DBNL: variants seen among roughly 807,000 people sequenced by gnomAD.
The protein encoded by DBNL is drebrin-like protein.
Under a neutral mutation model 62.2 loss-of-function variants are expected in DBNL, and 35 were observed. The observed-to-expected ratio is 0.56, with a 90% CI of 0.43 to 0.75. DBNL has a LOEUF of 0.75. DBNL is among the 30% of genes least tolerant of loss of function. The pLI, the probability that DBNL is intolerant of heterozygous loss-of-function variation, is 0.00. For synonymous variants in DBNL, 197 were observed against 218.0 expected (o/e 0.90, Z 0.85); for missense variants, 495 against 578.4 (o/e 0.86, Z 1.48).
At chr7:44,057,702 T>C in intron 5 of DBNL, 80 bp from the exon 6 acceptor site, 1 of 1,532,890 alleles carries the variant, frequency 6.5e-7, no homozygotes, top group Admixed American at 1.7e-5. Context: ...GTCGCAAGTT[T>C]AGCGTATTCT....
At chr7:44,050,096 C>A in intron 1 of DBNL, 129 bp from the exon 2 acceptor site, 1 of 1,013,510 alleles carries the variant, frequency 9.9e-7, no homozygotes, top group Non-Finnish European at 1.5e-6. Flanking sequence ...TGAGAACGGG[C>A]CTGTGCCCAC....
chr7:44,065,551 G>C lies in DBNL; in HGVS notation c.*4635G>C, dbSNP rs199776384. Reference sequence around the variant, plus strand: ...CCATGGTGGCAGCAGGGACCACAGAGGACTCTGGACGGGGACGGCTGCTTC... The same window carrying C: ...CCATGGTGGCAGCAGGGACCACAGACGACTCTGGACGGGGACGGCTGCTTC... On this transcript the variant is annotated 3_prime_UTR_variant, in exon 13 of 13. Coordinates refer to ENST00000448521, the MANE Select transcript of DBNL (RefSeq NM_001014436.3). 98 of 1,611,824 alleles carry C rather than the reference G, an allele frequency of 6.1e-5. No individual in the cohort carries two copies. In the East Asian group the frequency reaches 2.2e-3, roughly 36 times the overall value.
At chr7:44,044,979 G>A in intron 1 of DBNL, 159 bp downstream of exon 1, 1 of 637,374 alleles carries the variant, frequency 1.6e-6, no homozygotes. Context: ...CACCGCAGCA[G>A]GAGTGCTGTC....
At position 44,056,808 on chromosome 7, in the gene DBNL, T is replaced by G. The variant is rs1170043748; in HGVS notation, c.379T>G (p.Cys127Gly). 1 of 1,613,938 alleles carries G rather than the reference T, an allele frequency of 6.2e-7. No homozygotes were observed. Among genetic ancestry groups the G allele is most frequent in the East Asian group, 2.2e-5 (1 of 44,874 alleles). ...ARAEEDVEPE[C>G]IMEKVAKASG... ...GGCCGAGGAGGATGTGGAGCCTGAGTGCATCATGGAGAAGGTGGCCAAGGC... is the reference window on the plus strand; with the variant it reads ...GGCCGAGGAGGATGTGGAGCCTGAGGGCATCATGGAGAAGGTGGCCAAGGC... Residue 127 changes from cysteine (C) to glycine (G), a missense_variant, in exon 5 of 13, where the codon TGC becomes GGC. Cys to Gly is a radical substitution (Grantham distance 159). Coordinates refer to ENST00000448521, the MANE Select transcript of DBNL (RefSeq NM_001014436.3).
In DBNL at chr7:44,067,889, AGCCTGGAC is replaced by A. The variant is rs1043981049; in HGVS notation, c.*6974_*6981del. On this transcript the variant is annotated 3_prime_UTR_variant, in exon 13 of 13. Coordinates refer to ENST00000448521, the MANE Select transcript of DBNL (RefSeq NM_001014436.3). ...AGTGGTGAGGTAACAAGTATTGCCT[AGCCTGGAC>A]ACACAGGCGGCTTGAAACCTCAAGT... is the stretch of plus-strand genomic sequence containing the variant. The A allele has an allele frequency of 1.3e-5, 2 of 152,298 alleles. No individual in the cohort carries two copies. The highest frequency in any genetic ancestry group is 4.8e-5 in the African/African-American group (2 of 41,470). The allele number at this position is 152,298 out of a possible 1,614,324, so 9.4% of individuals were successfully genotyped here. A position where few individuals can be genotyped will look rare whatever the true frequency, so the allele number is the denominator to read the frequency against.
rs187514207 is a variant in DBNL, at chr7:44,055,363, G to T, written c.328-1394G>T. On this transcript the variant is annotated intron_variant, in intron 4 of 12. Transcript: ENST00000448521. ...GGCACCTGTAATCCCAGCTACTCAGGAAGCTGAGGCAGAGAATCTCTTGAA... is the reference window on the plus strand; with the variant it reads ...GGCACCTGTAATCCCAGCTACTCAGTAAGCTGAGGCAGAGAATCTCTTGAA... 8.5e-5 allele frequency among the ~76,000 whole-genome samples: 13 copies of T among 152,292 alleles called. No individual in the cohort carries two copies. In the East Asian group the frequency reaches 2.5e-3, roughly 29 times the overall value.
rs975054606 is a variant in DBNL, at chr7:44,066,618, C to T, written c.*5702C>T. The T allele has an allele frequency of 6.6e-6, 1 of 152,286 alleles. No homozygotes were observed. The highest frequency in any genetic ancestry group is 2.4e-5 in the African/African-American group (1 of 41,462). 9.4% of individuals were successfully genotyped at this position (152,286 alleles called of 1,614,324 possible). ...GTAGGTGAGAGGCCAGCAGAGGGAC[C>T]ACCACTCTGAGACTTGGATCTGAGT... is the stretch of plus-strand genomic sequence containing the variant. On this transcript the variant is annotated 3_prime_UTR_variant, in exon 13 of 13. Coordinates refer to ENST00000448521, the MANE Select transcript of DBNL (RefSeq NM_001014436.3).
Position 44,060,444 on chromosome 7 carries a change from G to A in DBNL, c.1153+291G>A, listed in dbSNP as rs550894686. ...GAACATGGACTCTGAGCAGGGAGGT[G>A]GGCCAGGCCTGGATGCTGGTTCACC... is the stretch of plus-strand genomic sequence containing the variant. On this transcript the variant is annotated intron_variant, in intron 12 of 12. Transcript: ENST00000448521. The surrounding 1 kb of genome is among the most constrained non-coding windows in gnomAD (Gnocchi z 6.3). Among the ~76,000 whole-genome samples the A allele has an allele frequency of 1.3e-5, 2 of 152,094 alleles. No individual in the cohort carries two copies. Among genetic ancestry groups the A allele is most frequent in the Non-Finnish European group, 2.9e-5 (2 of 67,990 alleles).
rs2096137379 is a variant in DBNL, at chr7:44,056,874, T to C, written c.445T>C (p.Phe149Leu). 7.4e-6 allele frequency: 12 copies of C among 1,614,080 alleles called. No individual in the cohort carries two copies. The highest frequency in any genetic ancestry group is 1.0e-5 in the Non-Finnish European group (12 of 1,180,016). ...CAGCTTTCACAAGGAGAGTGGCCGC[T>C]TCCAGGACGTGGGACCCCAGGCCCC... ...NYSFHKESGRFQDVGPQAPVG... is the reference protein window; with the variant it reads ...NYSFHKESGRLQDVGPQAPVG... Residue 149 changes from phenylalanine (F) to leucine (L), a missense_variant, in exon 5 of 13, where the codon TTC becomes CTC. Coordinates refer to ENST00000448521, the MANE Select transcript of DBNL (RefSeq NM_001014436.3).
chr7:44,045,263 G>A (rs1234563124), intron 1 of DBNL, among the ~76,000 whole-genome samples: 1 of 152,236 alleles, frequency 6.6e-6, no homozygotes, highest in Non-Finnish European at 1.5e-5. Context: ...TTCGGGGATG[G>A]GCATTTGAGA....
At position 44,059,506 on chromosome 7, in the gene DBNL, G is replaced by A; in HGVS notation, c.932-37G>A. Reference sequence around the variant, plus strand: ...GGGGACAGCAGTGGAGAAGGGGGATGTGTGGGAGTGAGAACCTGCTGTGTT... The same window carrying A: ...GGGGACAGCAGTGGAGAAGGGGGATATGTGGGAGTGAGAACCTGCTGTGTT... On this transcript the variant is annotated intron_variant, in intron 10 of 12. Coordinates refer to ENST00000448521, the MANE Select transcript of DBNL (RefSeq NM_001014436.3). The surrounding 1 kb of genome is among the most constrained non-coding windows in gnomAD (Gnocchi z 4.1). The A allele has an allele frequency of 6.2e-7, 1 of 1,613,448 alleles. No homozygotes were observed. Among genetic ancestry groups the A allele is most frequent in the Non-Finnish European group, 8.5e-7 (1 of 1,179,660 alleles).
intron 8 of DBNL, 196 bp from the exon 9 acceptor site, chr7:44,058,706 T>C: frequency 1.2e-6 from 1 of 814,058 alleles, no homozygotes; most frequent in Non-Finnish European, 1.9e-6. Context: ...GGGAGCCCCT[T>C]GGCTTCTGTG....
In DBNL at chr7:44,052,932, C is replaced by T. The variant is rs768371085; in HGVS notation, c.318C>T (p.Ser106=). The T allele has an allele frequency of 1.2e-6, 2 of 1,613,300 alleles. No individual in the cohort carries two copies. Among genetic ancestry groups the T allele is most frequent in the South Asian group, 2.2e-5 (2 of 91,040 alleles). The change falls in exon 4 of 13, where the codon AGC becomes AGT. Residue 106 remains serine (S), a synonymous_variant. Coordinates refer to ENST00000448521, the MANE Select transcript of DBNL (RefSeq NM_001014436.3). ...ACASHVSTMA[S]FLKGAHVTIN... is the part of the protein sequence containing the mutation. ...CCAGCCACGTCAGCACCATGGCCAG[C>T]TTCCTGAAGGTAAGGCCAGGTGAGG...
chr7:44,067,412 T>C lies in DBNL; in HGVS notation c.*6496T>C. 6.6e-6 allele frequency: 1 copy of C among 152,174 alleles called. No individual in the cohort carries two copies. The highest frequency in any genetic ancestry group is 1.9e-4 in the East Asian group (1 of 5,190). The allele number at this position is 152,174 out of a possible 1,614,324, so 9.4% of individuals were successfully genotyped here. A position where few individuals can be genotyped will look rare whatever the true frequency, so the allele number is the denominator to read the frequency against. On this transcript the variant is annotated 3_prime_UTR_variant, in exon 13 of 13. Transcript: ENST00000448521. ...GCAGCTTTGATGAGAACAAGGCCGC[T>C]TAGCCAGGGCTGGGTGCAGAAGCAG...
Position 44,062,882 on chromosome 7 carries a change from G to T in DBNL, c.*1966G>T, listed in dbSNP as rs2128795523. Reference sequence around the variant, plus strand: ...CTCCTTGTTCAGCTCATACACAATGGGGATCCCCGTGGGCAGGTTCAGCTC... The same window carrying T: ...CTCCTTGTTCAGCTCATACACAATGTGGATCCCCGTGGGCAGGTTCAGCTC... On this transcript the variant is annotated 3_prime_UTR_variant, in exon 13 of 13. Coordinates refer to ENST00000448521, the MANE Select transcript of DBNL (RefSeq NM_001014436.3). The T allele has an allele frequency of 1.2e-6, 2 of 1,614,208 alleles. No homozygotes were observed. The highest frequency in any genetic ancestry group is 1.7e-6 in the Non-Finnish European group (2 of 1,180,034).
chr7:44,045,792 G>A (rs1163416245), intron 1 of DBNL, among the ~76,000 whole-genome samples: 1 of 152,232 alleles, frequency 6.6e-6, no homozygotes, highest in African/African-American at 2.4e-5. Context: ...TGACCCTGAG[G>A]ATGTTATGGC....
Position 44,069,265 on chromosome 7 carries a change from G to A in DBNL, c.*8349G>A, listed in dbSNP as rs2096164967. ...GAAACTATTCTTTACTTCTTTAAGA[G>A]TTATGTGATGGTTGAATTAAGTCAT... On this transcript the variant is annotated 3_prime_UTR_variant, in exon 13 of 13. Transcript: ENST00000448521. 6.6e-6 allele frequency: 1 copy of A among 152,190 alleles called. No individual in the cohort carries two copies. The highest frequency in any genetic ancestry group is 1.5e-5 in the Non-Finnish European group (1 of 68,028). The allele number at this position is 152,190 out of a possible 1,614,324, so 9.4% of individuals were successfully genotyped here. A position where few individuals can be genotyped will look rare whatever the true frequency, so the allele number is the denominator to read the frequency against.
rs1357423292 is a variant in DBNL, at chr7:44,059,527, G to A, written c.932-16G>A. On this transcript the variant is annotated splice_polypyrimidine_tract_variant and intron_variant, in intron 10 of 12. Coordinates refer to ENST00000448521, the MANE Select transcript of DBNL (RefSeq NM_001014436.3). The surrounding 1 kb of genome is among the most constrained non-coding windows in gnomAD (Gnocchi z 4.1). Reference sequence around the variant, plus strand: ...GGATGTGTGGGAGTGAGAACCTGCTGTGTTCCCTGGTGCAGATCTCCCTGC... The same window carrying A: ...GGATGTGTGGGAGTGAGAACCTGCTATGTTCCCTGGTGCAGATCTCCCTGC... 1 of 1,613,422 alleles carries A rather than the reference G, an allele frequency of 6.2e-7. No homozygotes were observed. Among genetic ancestry groups the A allele is most frequent in the African/African-American group, 1.3e-5 (1 of 74,920 alleles).
chr7:44,049,619 C>A (rs1363567073), intron 1 of DBNL, among the ~76,000 whole-genome samples: 1 of 152,190 alleles, frequency 6.6e-6, no homozygotes, highest in African/African-American at 2.4e-5. Flanking sequence ...GATTTCATGT[C>A]GTGTCATTCC....
Sources: gnomAD v4.1 joint callset for allele counts (sites outside exome capture counted in the v4.1 genomes callset) on GRCh38, gnomAD v4.1.1 for gene constraint, Gnocchi (gnomAD v3.1) non-coding constraint, MANE v1.5 for transcripts, NCBI Gene and HGNC (gene_info 2026-07-23, HGNC 2026-07-21) for gene names.